Variants in ATP6V1A observed in about 807,000 individuals in gnomAD.
The protein encoded by ATP6V1A is V-type proton ATPase catalytic subunit A.
In ATP6V1A, 18 loss-of-function variants were observed where a neutral mutation model predicts 70.1. The observed-to-expected ratio is 0.26, with a 90% confidence interval of 0.18 to 0.38. The LOEUF (loss-of-function observed/expected upper bound fraction) is 0.38, where lower values mean the gene tolerates loss of function less well. Among genes scored for constraint, ATP6V1A ranks in the 10% least tolerant of loss-of-function variants. The pLI, the probability that ATP6V1A is intolerant of heterozygous loss-of-function variation, is 1.00. For missense variants in ATP6V1A, 424 were observed against 772.4 expected (o/e 0.55, Z 5.35); for synonymous variants, 232 against 253.8 (o/e 0.91, Z 0.82).
chr3:113,774,828 GAAAA>G (rs558009971), intron 1 of ATP6V1A, among the ~76,000 whole-genome samples: 1 of 134,702 alleles, frequency 7.4e-6, no homozygotes, highest in Non-Finnish European at 1.6e-5. Flanking sequence ...AAAAAGAAAA[GAAAA>G]AAAAAAAGCA....
At chr3:113,766,190 C>A (rs1042670208) in intron 1 of ATP6V1A, among the ~76,000 whole-genome samples, 1 of 152,128 alleles carries the variant, frequency 6.6e-6, no homozygotes, top group Non-Finnish European at 1.5e-5. Context: ...GCCTATAGAT[C>A]CTGTGTCTGG....
intron 1 of ATP6V1A, among the ~76,000 whole-genome samples, chr3:113,754,240 C>G (rs1384494021): frequency 1.3e-5 from 2 of 152,124 alleles, no homozygotes; most frequent in East Asian, 3.9e-4. Flanking sequence ...TTAGGAAAAA[C>G]AGGCTGGGCA....
rs372507494 is a variant in ATP6V1A, at chr3:113,784,206, C to T, written c.212-18C>T. ...CTTTAAACCTTCATAGTAGGTTTTCCTTAGCTGCTGTTTTTAGCTGGTGTG... is the reference window on the plus strand; with the variant it reads ...CTTTAAACCTTCATAGTAGGTTTTCTTTAGCTGCTGTTTTTAGCTGGTGTG... On this transcript the variant is annotated intron_variant, in intron 3 of 14. Transcript: ENST00000273398. 2 of 1,607,820 alleles carry T rather than the reference C, an allele frequency of 1.2e-6. No homozygotes were observed. The highest frequency in any genetic ancestry group is 1.7e-6 in the Non-Finnish European group (2 of 1,174,726).
intron 5 of ATP6V1A, among the ~76,000 whole-genome samples, chr3:113,785,326 GCTAGTTGAAAGGCT>G (rs1709025765): frequency 6.6e-6 from 1 of 152,100 alleles, no homozygotes; most frequent in Non-Finnish European, 1.5e-5. Context: ...TGTAATCCCA[GCTAGTTGAAAGGCT>G]GAGGCAGGAG....
chr3:113,784,179 G>C, intron 3 of ATP6V1A, 45 bp from the exon 4 acceptor site: 1 of 1,540,152 alleles, frequency 6.5e-7, no homozygotes, highest in Non-Finnish European at 9.0e-7. Context: ...TGTTAATTGT[G>C]TCTTTAAACC....
Position 113,770,624 on chromosome 3 carries a change from A to C in ATP6V1A, c.-13-8117A>C, listed in dbSNP as rs1708827658. 2.0e-5 allele frequency among the ~76,000 whole-genome samples: 3 copies of C among 152,242 alleles called. No homozygotes were observed. The South Asian group carries it at 6.2e-4, about 32-fold the overall frequency. ...AACCCGGAAGGTGGACATTGCAGTGAGCCAACATCGTGCCACCGCACTCCA... is the reference window on the plus strand; with the variant it reads ...AACCCGGAAGGTGGACATTGCAGTGCGCCAACATCGTGCCACCGCACTCCA... On this transcript the variant is annotated intron_variant, in intron 1 of 14. Coordinates refer to ENST00000273398, the MANE Select transcript of ATP6V1A (RefSeq NM_001690.4).
chr3:113,781,276 T>C, intron 3 of ATP6V1A, 98 bp downstream of exon 3: 2 of 1,350,428 alleles, frequency 1.5e-6, no homozygotes, highest in Non-Finnish European at 2.0e-6. Context: ...CCCAGCACTT[T>C]GGGAGGCAGG....
chr3:113,750,982 G>A (rs1304126021), intron 1 of ATP6V1A, among the ~76,000 whole-genome samples: 1 of 152,026 alleles, frequency 6.6e-6, no homozygotes, highest in Admixed American at 6.6e-5. Flanking sequence ...TCCCTTATTT[G>A]GGCAACTGCA....
intron 1 of ATP6V1A, among the ~76,000 whole-genome samples, chr3:113,777,740 C>T (rs981776461): frequency 1.3e-5 from 2 of 152,096 alleles, no homozygotes; most frequent in African/African-American, 4.8e-5. Flanking sequence ...TCGACGGAGA[C>T]AGACTGTGTT....
chr3:113,798,158 A>G (rs746964633), intron 11 of ATP6V1A, 85 bp from the exon 12 acceptor site: 293 of 1,438,382 alleles, frequency 2.0e-4, no homozygotes, highest in Non-Finnish European at 2.8e-4. Context: ...AGAATTGCAT[A>G]GTTGGGACAA....
intron 1 of ATP6V1A, among the ~76,000 whole-genome samples, chr3:113,775,100 G>C (rs1006276688): frequency 2.6e-5 from 4 of 152,004 alleles, no homozygotes; most frequent in Admixed American, 2.0e-4. Flanking sequence ...TTGAAGTTAA[G>C]GGAAGTAGAT....
chr3:113,772,559 C>G (rs921496787), intron 1 of ATP6V1A, among the ~76,000 whole-genome samples: 1 of 152,028 alleles, frequency 6.6e-6, no homozygotes, highest in Non-Finnish European at 1.5e-5. Context: ...AATCCCGTCT[C>G]TACTAAAAAT....
At chr3:113,757,041 T>C (rs1708653590) in intron 1 of ATP6V1A, among the ~76,000 whole-genome samples, 1 of 152,216 alleles carries the variant, frequency 6.6e-6, no homozygotes, top group Admixed American at 6.5e-5. Flanking sequence ...GTGCCCAATA[T>C]TTCACTTGTT....
chr3:113,810,794 GT>G lies in ATP6V1A; in HGVS notation c.*1370del, dbSNP rs1709333692. 1 of 152,198 alleles carries G rather than the reference GT, an allele frequency of 6.6e-6. No individual in the cohort carries two copies. The highest frequency in any genetic ancestry group is 6.5e-5 in the Admixed American group (1 of 15,274). 9.4% of individuals were successfully genotyped at this position (152,198 alleles called of 1,614,324 possible). On this transcript the variant is annotated 3_prime_UTR_variant, in exon 15 of 15. Transcript: ENST00000273398. ...ACATATGTCACATGTTTGCATGTTT[GT>G]TTGCTTGTTGAATTTTTGAACAGCC...
chr3:113,797,206 G>A (rs1577094400), intron 11 of ATP6V1A, among the ~76,000 whole-genome samples: 1 of 151,588 alleles, frequency 6.6e-6, no homozygotes, highest in African/African-American at 2.4e-5. Flanking sequence ...CAAAGTGCAG[G>A]GATTACAAGC....
Position 113,786,406 on chromosome 3 carries a change from G to A in ATP6V1A, c.716+23G>A, listed in dbSNP as rs192525983. 445 of 1,610,784 alleles carry A rather than the reference G, an allele frequency of 2.8e-4. 1 individual carries two copies. In the African/African-American group the frequency reaches 5.4e-3, roughly 20 times the overall value. On this transcript the variant is annotated intron_variant, in intron 6 of 14. Transcript: ENST00000273398. ...TCCGTAAGTTTGAGATGTGTCCCAC[G>A]ATTTTCCCTCAGAGTTATTATATGT...
chr3:113,799,647 A>T (rs574177422), intron 12 of ATP6V1A, among the ~76,000 whole-genome samples: 1 of 152,320 alleles, frequency 6.6e-6, no homozygotes, highest in South Asian at 2.1e-4. Context: ...TAATATGCTC[A>T]TATACTAGAA....
chr3:113,779,121 T>G, intron 2 of ATP6V1A: 1 of 219,486 alleles, frequency 4.6e-6, no homozygotes, highest in Non-Finnish European at 8.8e-6. Context: ...CTTAATTTTT[T>G]GTTAAATTTG....
At chr3:113,772,333 G>T (rs1297435577) in intron 1 of ATP6V1A, among the ~76,000 whole-genome samples, 2 of 152,212 alleles carry the variant, frequency 1.3e-5, no homozygotes, top group Non-Finnish European at 2.9e-5. Flanking sequence ...CATGAATGAT[G>T]TGAAGAAATG....
Sources: allele counts gnomAD v4.1 joint callset (sites outside exome capture counted in the v4.1 genomes callset), GRCh38; gene constraint gnomAD v4.1.1; transcripts MANE v1.5; gene names NCBI Gene and HGNC (gene_info 2026-07-23, HGNC 2026-07-21).